The following PCNX1 variants were observed in gnomAD, a reference collection of about 807,000 sequenced individuals.
PCNX1 encodes pecanex 1.
A neutral mutation model predicts 242.2 loss-of-function variants in PCNX1; 78 were observed. The observed-to-expected ratio is 0.32, with a 90% CI of 0.27 to 0.39. The LOEUF (loss-of-function observed/expected upper bound fraction) is 0.39. PCNX1 is among the 10% of genes least tolerant of loss of function. The pLI is 1.00. For synonymous variants in PCNX1, 1,024 were observed against 1,032.9 expected (o/e 0.99, Z 0.17); for missense variants, 2,581 against 2,856.5 (o/e 0.90, Z 2.20).
Position 70,988,712 on chromosome 14 carries a change from C to A in PCNX1, c.2444+13C>A, listed in dbSNP as rs973900975. ...GATCACCCCTAAGGTATGGTATTTT[C>A]AATTCCACCAAGTTTAGCATGCATG... is the stretch of plus-strand genomic sequence containing the variant. On this transcript the variant is annotated intron_variant, in intron 7 of 35. Coordinates refer to ENST00000304743, the MANE Select transcript of PCNX1 (RefSeq NM_014982.3). The A allele has an allele frequency of 1.2e-6, 2 of 1,607,712 alleles. No individual in the cohort carries two copies. The highest frequency in any genetic ancestry group is 2.7e-5 in the African/African-American group (2 of 74,954).
intron 5 of PCNX1, among the ~76,000 whole-genome samples, chr14:70,976,204 T>C (rs2058680963): frequency 6.6e-6 from 1 of 152,194 alleles, no homozygotes; most frequent in African/African-American, 2.4e-5. Flanking sequence ...AACTCAGTTA[T>C]TCCTTGCCTG....
intron 18 of PCNX1, among the ~76,000 whole-genome samples, chr14:71,035,226 A>G (rs2060496136): frequency 6.6e-6 from 1 of 152,134 alleles, no homozygotes; most frequent in South Asian, 2.1e-4. Context: ...TGTCTCAAAA[A>G]CAAACAAAAA....
At chr14:71,061,477 G>C (rs1331807742) in intron 26 of PCNX1, among the ~76,000 whole-genome samples, 2 of 152,120 alleles carry the variant, frequency 1.3e-5, no homozygotes, top group Admixed American at 6.6e-5. Flanking sequence ...TGGTATTTCT[G>C]CCTCCAAACA....
chr14:71,029,930 T>C (rs1254927149), intron 16 of PCNX1, among the ~76,000 whole-genome samples: 1 of 152,224 alleles, frequency 6.6e-6, no homozygotes, highest in Non-Finnish European at 1.5e-5. Flanking sequence ...GAGATGCTCA[T>C]TTGAGATGTT....
At chr14:71,062,881 C>T (rs546562441) in intron 26 of PCNX1, among the ~76,000 whole-genome samples, 3 of 152,166 alleles carry the variant, frequency 2.0e-5, no homozygotes, top group South Asian at 2.1e-4. Context: ...TTTACTGTAC[C>T]GTTTCTGTGT....
chr14:70,917,936 G>A (rs2056216167), intron 1 of PCNX1, among the ~76,000 whole-genome samples: 1 of 152,146 alleles, frequency 6.6e-6, no homozygotes, highest in Non-Finnish European at 1.5e-5. Context: ...TTCTACATCG[G>A]CACTTGTTGC....
At chr14:70,922,842 T>G (rs1262895040) in intron 1 of PCNX1, among the ~76,000 whole-genome samples, 1 of 151,984 alleles carries the variant, frequency 6.6e-6, no homozygotes, top group Non-Finnish European at 1.5e-5. Context: ...GTGGGATTTG[T>G]AGCATTAGTT....
intron 22 of PCNX1, among the ~76,000 whole-genome samples, chr14:71,050,305 A>C (rs2060990042): frequency 6.6e-6 from 1 of 151,978 alleles, no homozygotes; most frequent in South Asian, 2.1e-4. Context: ...TATATCTCCC[A>C]ATGTTTTTTT....
At chr14:70,989,727 T>C (rs377235072) in intron 7 of PCNX1, among the ~76,000 whole-genome samples, 37 of 152,116 alleles carry the variant, frequency 2.4e-4, no homozygotes, top group African/African-American at 8.9e-4. Context: ...CAGGGTTTTT[T>C]TGCCTTGTTG....
rs116726098 is a variant in PCNX1, at chr14:71,075,218, T to A, written c.5107-971T>A. On this transcript the variant is annotated intron_variant, in intron 27 of 35. Coordinates refer to ENST00000304743, the MANE Select transcript of PCNX1 (RefSeq NM_014982.3). ...CTGTGTTGCCCAGGCTCTCAAACTC[T>A]GGGCTCAAGCAGTTCTCCCACACTG... is the stretch of plus-strand genomic sequence containing the variant. 8.4e-3 allele frequency among the ~76,000 whole-genome samples: 1,281 copies of A among 152,160 alleles called. 10 individuals are homozygous for A. The highest frequency in any genetic ancestry group is 0.029 in the African/African-American group (1,207 of 41,528).
chr14:70,943,331 T>C (rs2057332640), intron 1 of PCNX1, among the ~76,000 whole-genome samples: 1 of 152,174 alleles, frequency 6.6e-6, no homozygotes, highest in Admixed American at 6.5e-5. Flanking sequence ...ACCAAAATGC[T>C]GATAGTGATA....
At chr14:70,931,274 A>G (rs913430386) in intron 1 of PCNX1, among the ~76,000 whole-genome samples, 3 of 152,224 alleles carry the variant, frequency 2.0e-5, no homozygotes, top group Non-Finnish European at 4.4e-5. Flanking sequence ...CTTCAGGCAT[A>G]CCAGTAAAAA....
intron 5 of PCNX1, among the ~76,000 whole-genome samples, chr14:70,971,850 T>C (rs2058551340): frequency 6.6e-6 from 1 of 152,168 alleles, no homozygotes; most frequent in African/African-American, 2.4e-5. Flanking sequence ...TTGAGAAATA[T>C]TGTGGCTGGC....
chr14:70,911,930 T>A (rs895995425), intron 1 of PCNX1, among the ~76,000 whole-genome samples: 3 of 152,108 alleles, frequency 2.0e-5, no homozygotes, highest in African/African-American at 7.2e-5. Flanking sequence ...AAGCAATATA[T>A]CCCTAGGTGA....
chr14:71,076,283 A>G lies in PCNX1; in HGVS notation c.5201A>G (p.Asn1734Ser), dbSNP rs376782250. 166 of 1,614,058 alleles carry G rather than the reference A, an allele frequency of 1.0e-4. 1 individual carries two copies. Among genetic ancestry groups the G allele is most frequent in the Non-Finnish European group, 1.2e-4 (146 of 1,179,952 alleles). The part of the protein sequence containing the change: ...QEGLRLCADR[N>S]YVDVDPTFNP... ...GGACTTCGTCTGTGTGCTGATCGCAATTATGTCGATGTGGACCCGACCTTT... is the reference window on the plus strand; with the variant it reads ...GGACTTCGTCTGTGTGCTGATCGCAGTTATGTCGATGTGGACCCGACCTTT... Residue 1734 changes from asparagine (N) to serine (S), a missense_variant, in exon 28 of 36, where the codon AAT (asparagine) becomes AGT (serine). Physicochemically the swap from Asn to Ser is conservative, Grantham distance 46. This residue lies in a region of PCNX1 where 298 missense variants were observed against 480.1 expected (regional missense o/e 0.62). Transcript: ENST00000304743.
At chr14:70,962,358 C>A in intron 3 of PCNX1, 27 bp downstream of exon 3, 1 of 1,268,594 alleles carries the variant, frequency 7.9e-7, no homozygotes, top group Non-Finnish European at 1.2e-6. Context: ...TTTTATTTTG[C>A]CTTTTTCCCT....
intron 11 of PCNX1, among the ~76,000 whole-genome samples, chr14:71,018,695 A>G (rs912723929): frequency 1.3e-5 from 2 of 152,174 alleles, no homozygotes; most frequent in East Asian, 3.8e-4. Flanking sequence ...TTGGTTAACT[A>G]TTTTGCAACA....
Position 70,978,384 on chromosome 14 carries a change from A to G in PCNX1, c.2047A>G (p.Ser683Gly). The G allele has an allele frequency of 6.2e-7, 1 of 1,614,250 alleles. No individual in the cohort carries two copies. The change falls in exon 6 of 36, where the codon AGT (serine) becomes GGT (glycine). Residue 683 changes from serine (S) to glycine (G), a missense_variant. Transcript: ENST00000304743. ...RATRRTSSTNSAKTRARVLSL... is the reference protein window; with the variant it reads ...RATRRTSSTNGAKTRARVLSL... ...AACACGACGGACTTCTAGCACAAATAGTGCCAAGACTCGTGCCCGAGTGTT... is the reference window on the plus strand; with the variant it reads ...AACACGACGGACTTCTAGCACAAATGGTGCCAAGACTCGTGCCCGAGTGTT...
chr14:70,909,840 G>A (rs939710054), intron 1 of PCNX1, among the ~76,000 whole-genome samples: 1 of 152,082 alleles, frequency 6.6e-6, no homozygotes, highest in African/African-American at 2.4e-5. Context: ...CAAACCAGAA[G>A]GTGCTGAGCT....
Sources: gnomAD v4.1 joint callset for allele counts (sites outside exome capture counted in the v4.1 genomes callset) on GRCh38, gnomAD v4.1.1 for gene constraint, gnomAD v4.1.1 regional missense constraint, MANE v1.5 for transcripts, NCBI Gene and HGNC (gene_info 2026-07-23, HGNC 2026-07-21) for gene names.